The following PPP1R13B variants were observed in gnomAD, a reference collection of about 807,000 sequenced individuals.
PPP1R13B encodes the protein protein phosphatase 1 regulatory subunit 13B, also known as apoptosis-stimulating of p53 protein 1.
Under a neutral mutation model 119.8 loss-of-function variants are expected in PPP1R13B, and 44 were observed. The ratio of observed to expected loss-of-function variants is 0.37; its 90% CI spans 0.29 to 0.47. The LOEUF (loss-of-function observed/expected upper bound fraction) is 0.47, where lower values mean the gene tolerates loss of function less well. Ranked by LOEUF, PPP1R13B falls within the 20% of genes least tolerant of loss-of-function variation. The pLI is 0.99. For synonymous variants in PPP1R13B, 542 were observed against 561.5 expected (o/e 0.97, Z 0.49); for missense variants, 1,227 against 1,413.5 (o/e 0.87, Z 2.12).
At chr14:103,744,663 C>T (rs949587194) in intron 9 of PPP1R13B, among the ~76,000 whole-genome samples, 7 of 152,202 alleles carry the variant, frequency 4.6e-5, no homozygotes, top group Admixed American at 6.5e-5. Flanking sequence ...TTAGGCCCGA[C>T]GTCGAGGTCT....
rs2084167092 is a variant in PPP1R13B, at chr14:103,738,405, A to T, written c.2864+274T>A. On this transcript the variant is annotated intron_variant, in intron 14 of 16. Coordinates refer to ENST00000202556, the MANE Select transcript of PPP1R13B (RefSeq NM_015316.3). This position sits in a 1 kb window ranked among gnomAD's most constrained non-coding sequence, Gnocchi z 5.6. ...ATACGGAACATATGAGAAGGGGAAGATGGAATGATTCACAGAATGCTTAGA... is the reference window on the plus strand; with the variant it reads ...ATACGGAACATATGAGAAGGGGAAGTTGGAATGATTCACAGAATGCTTAGA... The T allele has an allele frequency of 2.0e-6, 1 of 489,366 alleles. No homozygotes were observed. The highest frequency in any genetic ancestry group is 3.7e-6 in the Non-Finnish European group (1 of 270,350). The allele number at this position is 489,366 out of a possible 1,614,324, so 30.3% of individuals were successfully genotyped here. A position where few individuals can be genotyped will look rare whatever the true frequency, so the allele number is the denominator to read the frequency against.
chr14:103,785,409 G>A (rs1191185451), intron 2 of PPP1R13B, among the ~76,000 whole-genome samples: 1 of 152,040 alleles, frequency 6.6e-6, no homozygotes, highest in African/African-American at 2.4e-5. Context: ...GTAGAGAGAG[G>A]GTTTCACCAT....
chr14:103,832,132 T>C lies in PPP1R13B; in HGVS notation c.9+15167A>G, dbSNP rs555025309. Among the ~76,000 whole-genome samples the C allele has an allele frequency of 1.9e-3, 294 of 152,214 alleles. 1 individual carries two copies. Among genetic ancestry groups the C allele is most frequent in the Non-Finnish European group, 2.7e-3 (187 of 68,002 alleles). ...TTAAAAAAAAAAAAAAAGTTATGTT[T>C]CTATTGCACACAGCTCATCTAAAAT... On this transcript the variant is annotated intron_variant, in intron 1 of 16. Transcript: ENST00000202556.
At chr14:103,753,694 G>T (rs1223141120) in intron 6 of PPP1R13B, among the ~76,000 whole-genome samples, 1 of 152,162 alleles carries the variant, frequency 6.6e-6, no homozygotes, top group Non-Finnish European at 1.5e-5. Context: ...CCAAAGGGCC[G>T]CTGGTACCAA....
intron 1 of PPP1R13B, among the ~76,000 whole-genome samples, chr14:103,834,581 CTTTTTT>C (rs1157222905): frequency 1.9e-4 from 17 of 89,378 alleles, no homozygotes; most frequent in African/African-American, 1.5e-4. Context: ...ATTTTAATGT[CTTTTTT>C]TTTTTTTTTT....
In PPP1R13B at chr14:103,734,763, C is replaced by T; in HGVS notation, c.*391G>A. 2 of 464,282 alleles carry T rather than the reference C, an allele frequency of 4.3e-6. No individual in the cohort carries two copies. The highest frequency in any genetic ancestry group is 8.6e-6 in the Non-Finnish European group (2 of 232,516). 28.8% of individuals were successfully genotyped at this position (464,282 alleles called of 1,614,324 possible). On this transcript the variant is annotated 3_prime_UTR_variant, in exon 17 of 17. Coordinates refer to ENST00000202556, the MANE Select transcript of PPP1R13B (RefSeq NM_015316.3). ...GGCAGGGCGGTCGCAGGGGAGCAGG[C>T]CTCACAGCGGCGGACAGTGTTCACT...
intron 4 of PPP1R13B, among the ~76,000 whole-genome samples, chr14:103,767,979 AGAG>A (rs1387429605): frequency 2.0e-5 from 3 of 152,138 alleles, no homozygotes; most frequent in Non-Finnish European, 4.4e-5. Context: ...ATAAAATCTG[AGAG>A]GAGACTTCAG....
At chr14:103,789,311 C>T (rs1006601593) in intron 2 of PPP1R13B, among the ~76,000 whole-genome samples, 6 of 151,994 alleles carry the variant, frequency 3.9e-5, no homozygotes, top group Admixed American at 1.3e-4. Flanking sequence ...CTCCGCCTCC[C>T]GGGTTCAAGC....
At chr14:103,754,803 G>A (rs892208263) in intron 5 of PPP1R13B, among the ~76,000 whole-genome samples, 6 of 150,576 alleles carry the variant, frequency 4.0e-5, no homozygotes, top group South Asian at 2.1e-4. Context: ...CTTTTGAGAC[G>A]GAGTCTCGCT....
At chr14:103,774,679 C>A (rs1490502243) in intron 4 of PPP1R13B, among the ~76,000 whole-genome samples, 1 of 152,198 alleles carries the variant, frequency 6.6e-6, no homozygotes, top group African/African-American at 2.4e-5. Flanking sequence ...TCTCCTTAAT[C>A]TATCCTTAGA....
chr14:103,803,569 G>T (rs1182952613), intron 1 of PPP1R13B, among the ~76,000 whole-genome samples: 1 of 152,136 alleles, frequency 6.6e-6, no homozygotes, highest in African/African-American at 2.4e-5. Context: ...TGTGAACCCG[G>T]GAGGTGGAGC....
At chr14:103,822,313 T>C (rs2086429535) in intron 1 of PPP1R13B, among the ~76,000 whole-genome samples, 1 of 152,076 alleles carries the variant, frequency 6.6e-6, no homozygotes, top group Admixed American at 6.6e-5. Context: ...TTTTGTATTT[T>C]TAGTAGACAC....
intron 4 of PPP1R13B, among the ~76,000 whole-genome samples, chr14:103,760,624 T>C (rs576151449): frequency 6.6e-6 from 1 of 152,328 alleles, no homozygotes; most frequent in East Asian, 1.9e-4. Flanking sequence ...GACTACCACC[T>C]GTGGCCCCAG....
At chr14:103,792,353 T>C (rs1426823231) in intron 2 of PPP1R13B, among the ~76,000 whole-genome samples, 1 of 152,108 alleles carries the variant, frequency 6.6e-6, no homozygotes, top group Non-Finnish European at 1.5e-5. Flanking sequence ...AATTTTTGTA[T>C]TTTTTGTAGA....
In PPP1R13B at chr14:103,734,815, C is replaced by T. The variant is rs1410645429; in HGVS notation, c.*339G>A. The stretch of plus-strand genomic sequence containing the variant: ...CTGGAGGGGGTGATGGCCTCGGGGC[C>T]AAGTCAGTAAGAGCTTCTGTCTTCA... On this transcript the variant is annotated 3_prime_UTR_variant, in exon 17 of 17. Transcript: ENST00000202556. 2 of 463,882 alleles carry T rather than the reference C, an allele frequency of 4.3e-6. No homozygotes were observed. The highest frequency in any genetic ancestry group is 8.4e-6 in the Non-Finnish European group (2 of 237,548). The allele number at this position is 463,882 out of a possible 1,614,324, so 28.7% of individuals were successfully genotyped here.
chr14:103,784,883 G>A lies in PPP1R13B; in HGVS notation c.189C>T (p.Tyr63=), dbSNP rs200552968. Residue 63 remains tyrosine, a synonymous_variant, in exon 3 of 17, where the codon TAC becomes TAT. Coordinates refer to ENST00000202556, the MANE Select transcript of PPP1R13B (RefSeq NM_015316.3). ...ERPIPFDHMM[Y]EHLQKWGPRR... ...GTGGACCCCATTTCTGAAGATGTTC[G>A]TACATCATATGATCAAAGGGTATGG... The A allele has an allele frequency of 4.7e-5, 75 of 1,606,322 alleles. No homozygotes were observed. Among genetic ancestry groups the A allele is most frequent in the African/African-American group, 9.3e-5 (7 of 74,888 alleles).
rs1429342532 is a variant in PPP1R13B at position 103,736,200 on chromosome 14, C to T, written c.3034G>A (p.Val1012Met). 6.2e-7 allele frequency: 1 copy of T among 1,613,242 alleles called. No individual in the cohort carries two copies. The highest frequency in any genetic ancestry group is 8.5e-7 in the Non-Finnish European group (1 of 1,179,798). ...TTCATCACACCCAGCTTTTCCTGCACCCCTGGAGCCAGAGAGCAATGGTCA... is the reference window on the plus strand; with the variant it reads ...TTCATCACACCCAGCTTTTCCTGCATCCCTGGAGCCAGAGAGCAATGGTCA... ...YIQCSQFLYG[V>M]QEKLGVMNKG... Residue 1012 changes from valine (V) to methionine (M), a missense_variant and splice_region_variant, in exon 16 of 17, where the codon GTG becomes ATG. Coordinates refer to ENST00000202556, the MANE Select transcript of PPP1R13B (RefSeq NM_015316.3).
In PPP1R13B at chr14:103,749,853, C is replaced by T; in HGVS notation, c.910G>A (p.Ala304Thr). ...ELLNKRNMEV[A>T]MMDKRISELR... ...TCACTGATTCGCTTGTCCATCATGGCCACCTCCATGTTGCGCTTATTTAAG... is the reference window on the plus strand; with the variant it reads ...TCACTGATTCGCTTGTCCATCATGGTCACCTCCATGTTGCGCTTATTTAAG... Residue 304 changes from alanine (A) to threonine (T), a missense_variant, in exon 8 of 17, where the codon GCC becomes ACC. Transcript: ENST00000202556. The T allele has an allele frequency of 6.2e-7, 1 of 1,614,136 alleles. No individual in the cohort carries two copies. The highest frequency in any genetic ancestry group is 8.5e-7 in the Non-Finnish European group (1 of 1,180,014).
At chr14:103,847,242 GT>G in intron 1 of PPP1R13B, 56 bp downstream of exon 1, 1 of 1,141,994 alleles carries the variant, frequency 8.8e-7, no homozygotes. Context: ...GAGGAAGGAG[GT>G]TTGGCCAGCG....
Sources: allele counts gnomAD v4.1 joint callset (sites outside exome capture counted in the v4.1 genomes callset), GRCh38; gene constraint gnomAD v4.1.1; non-coding constraint Gnocchi (gnomAD v3.1); transcripts MANE v1.5; gene names NCBI Gene and HGNC (gene_info 2026-07-23, HGNC 2026-07-21).